KIAA1217: variants seen among roughly 807,000 people sequenced by gnomAD.
KIAA1217 encodes the protein sickle tail protein homolog.
A neutral mutation model predicts 163.9 loss-of-function variants in KIAA1217; 88 were observed. That is an observed-to-expected ratio of 0.54 (90% CI 0.45 to 0.64). The LOEUF is 0.64. Among genes scored for constraint, KIAA1217 ranks in the 30% least tolerant of loss-of-function variants. The pLI is 0.00. For synonymous variants in KIAA1217, 903 were observed against 923.1 expected (o/e 0.98, Z 0.39); for missense variants, 2,372 against 2,475.0 (o/e 0.96, Z 0.88).
intron 1 of KIAA1217, among the ~76,000 whole-genome samples, chr10:23,780,121 AC>A (rs1314551359): frequency 6.6e-6 from 1 of 152,210 alleles, no homozygotes; most frequent in Non-Finnish European, 1.5e-5. Context: ...TGTGATCCTC[AC>A]TTACGTAACC....
chr10:23,837,461 CA>C (rs1429994010), intron 1 of KIAA1217, among the ~76,000 whole-genome samples: 1 of 152,150 alleles, frequency 6.6e-6, no homozygotes, highest in African/African-American at 2.4e-5. Flanking sequence ...CCATGCACCC[CA>C]AGGACATTCT....
chr10:24,513,709 A>G lies in KIAA1217; in HGVS notation c.2177+275A>G, dbSNP rs148301707. ...TTCACACCTGTAGTCCCAGTTACTC[A>G]TGAGGCTGAGGCGGGAGGATTGCTT... On this transcript the variant is annotated intron_variant, in intron 10 of 20. Coordinates refer to ENST00000376454, the MANE Select transcript of KIAA1217 (RefSeq NM_019590.5). 1.7e-3 allele frequency among the ~76,000 whole-genome samples: 256 copies of G among 151,808 alleles called. No homozygotes were observed. The highest frequency in any genetic ancestry group is 3.1e-3 in the Non-Finnish European group (212 of 67,922).
At chr10:23,932,978 A>G (rs1041622616) in intron 1 of KIAA1217, among the ~76,000 whole-genome samples, 1 of 152,226 alleles carries the variant, frequency 6.6e-6, no homozygotes, top group Non-Finnish European at 1.5e-5. Context: ...TGAATACCAT[A>G]AGAACCTGGT....
chr10:23,992,872 G>A (rs1846279225), intron 1 of KIAA1217, among the ~76,000 whole-genome samples: 2 of 151,660 alleles, frequency 1.3e-5, no homozygotes, highest in African/African-American at 2.4e-5. Context: ...AGGAAGAAAG[G>A]CCACCCTTAA....
chr10:24,517,300 C>G lies in KIAA1217; in HGVS notation c.2178-2823C>G, dbSNP rs1429694938. On this transcript the variant is annotated intron_variant, in intron 10 of 20. Coordinates refer to ENST00000376454, the MANE Select transcript of KIAA1217 (RefSeq NM_019590.5). ...GGATGGCTAGATCTGAATGGCAAGA[C>G]AGCAGGTTATAAAAGACAGCTGGAA... is the stretch of plus-strand genomic sequence containing the variant. 2.0e-5 allele frequency among the ~76,000 whole-genome samples: 3 copies of G among 151,952 alleles called. No individual in the cohort carries two copies. The East Asian group carries it at 5.8e-4, about 29-fold the overall frequency.
At chr10:24,447,019 C>A (rs2060990376) in intron 5 of KIAA1217, among the ~76,000 whole-genome samples, 2 of 152,150 alleles carry the variant, frequency 1.3e-5, no homozygotes, top group Admixed American at 6.5e-5. Context: ...TTTCTGAAGA[C>A]CTAACCCAGA....
At chr10:23,872,648 C>A (rs1840509778) in intron 1 of KIAA1217, among the ~76,000 whole-genome samples, 1 of 151,932 alleles carries the variant, frequency 6.6e-6, no homozygotes, top group Non-Finnish European at 1.5e-5. Flanking sequence ...TGATCAGTAG[C>A]CTAAGCACTT....
chr10:24,244,322 C>T (rs1046978536), intron 2 of KIAA1217, among the ~76,000 whole-genome samples: 1 of 152,156 alleles, frequency 6.6e-6, no homozygotes, highest in Non-Finnish European at 1.5e-5. Context: ...AAGCTCTTTA[C>T]AGCTGAGGCC....
chr10:23,713,230 T>C (rs757720847), intron 1 of KIAA1217, among the ~76,000 whole-genome samples: 16 of 152,108 alleles, frequency 1.1e-4, no homozygotes, highest in Non-Finnish European at 2.1e-4. Flanking sequence ...CAGAGTAGGT[T>C]TTGGTTTGGT....
At chr10:24,418,251 C>T (rs1431247926) in intron 3 of KIAA1217, among the ~76,000 whole-genome samples, 6 of 152,100 alleles carry the variant, frequency 3.9e-5, no homozygotes, top group Admixed American at 3.3e-4. Context: ...TGAGCCATTG[C>T]GCCCAGCCAA....
Position 24,521,909 on chromosome 10 carries a change from C to T in KIAA1217, c.2436C>T (p.Asp812=), listed in dbSNP as rs199974260. 610 of 1,612,052 alleles carry T rather than the reference C, an allele frequency of 3.8e-4. 9 individuals are homozygous for T. In the South Asian group the frequency reaches 5.3e-3, roughly 14 times the overall value. ...SLLKRVRSMT[D]VLTMLRRHVT... ...TGAAGCGTGTGCGCAGCATGACAGA[C>T]GTCCTGACCATGCTGCGGAGGTGAC... The change falls in exon 12 of 21, where the codon GAC becomes GAT. Residue 812 remains aspartate (D), a synonymous_variant. Coordinates refer to ENST00000376454, the MANE Select transcript of KIAA1217 (RefSeq NM_019590.5).
intron 2 of KIAA1217, among the ~76,000 whole-genome samples, chr10:24,341,155 A>C (rs2047047027): frequency 6.6e-6 from 1 of 152,240 alleles, no homozygotes; most frequent in African/African-American, 2.4e-5. Flanking sequence ...AGGAAAACCA[A>C]GAAATGCATT....
chr10:24,078,625 A>C (rs2061442294), intron 2 of KIAA1217, among the ~76,000 whole-genome samples: 1 of 152,116 alleles, frequency 6.6e-6, no homozygotes, highest in South Asian at 2.1e-4. Flanking sequence ...CTCTTATACA[A>C]TGAAGGGGCG....
chr10:24,535,821 C>A (rs2073926447), intron 16 of KIAA1217, among the ~76,000 whole-genome samples: 1 of 147,274 alleles, frequency 6.8e-6, no homozygotes, highest in Non-Finnish European at 1.5e-5. Context: ...AGTTTTTAAT[C>A]CTAGCTGCAC....
At chr10:24,539,046 C>CT (rs2074583789) in intron 17 of KIAA1217, among the ~76,000 whole-genome samples, 1 of 151,052 alleles carries the variant, frequency 6.6e-6, no homozygotes, top group African/African-American at 2.4e-5. Context: ...ATATATTGGT[C>CT]TTTTCAGTAT....
intron 1 of KIAA1217, among the ~76,000 whole-genome samples, chr10:23,980,923 G>A (rs928625469): frequency 6.6e-6 from 1 of 152,104 alleles, no homozygotes; most frequent in East Asian, 1.9e-4. Context: ...CAATGGGTGT[G>A]GTTACCTTTG....
chr10:24,449,238 G>A, intron 5 of KIAA1217, among the ~76,000 whole-genome samples: 1 of 152,054 alleles, frequency 6.6e-6, no homozygotes. Context: ...GCAAGAAAAG[G>A]TAATATATGC....
At chr10:23,754,636 T>G (rs1223823652) in intron 1 of KIAA1217, among the ~76,000 whole-genome samples, 1 of 152,178 alleles carries the variant, frequency 6.6e-6, no homozygotes, top group Non-Finnish European at 1.5e-5. Flanking sequence ...CTCTATCCTT[T>G]TTATCTTTAA....
intron 2 of KIAA1217, among the ~76,000 whole-genome samples, chr10:24,068,160 T>G (rs904407706): frequency 1.3e-5 from 2 of 152,200 alleles, no homozygotes; most frequent in African/African-American, 4.8e-5. Context: ...CTGCACCCAC[T>G]GTCCGGCACT....
Sources: allele counts gnomAD v4.1 joint callset (sites outside exome capture counted in the v4.1 genomes callset), GRCh38; gene constraint gnomAD v4.1.1; transcripts MANE v1.5; gene names NCBI Gene and HGNC (gene_info 2026-07-23, HGNC 2026-07-21).